Variants in AFG2A observed in about 807,000 individuals in gnomAD.
AFG2A encodes the protein ATPase family gene 2 protein homolog A.
At chr4:122,970,956 C>T in the AFG2A span, among the ~76,000 whole-genome samples, 1 of 152,126 alleles carries the variant, frequency 6.6e-6, no homozygotes, top group Non-Finnish European at 1.5e-5. Flanking sequence ...GCCTCAGCCT[C>T]CCAAGTAGCT....
the AFG2A span, among the ~76,000 whole-genome samples, chr4:123,217,293 T>G: frequency 1.3e-5 from 2 of 152,168 alleles, no homozygotes; most frequent in East Asian, 3.9e-4. Context: ...AGCAACTTCC[T>G]TAGCAGAAGC....
chr4:123,256,348 T>C, the AFG2A span, among the ~76,000 whole-genome samples: 1 of 152,202 alleles, frequency 6.6e-6, no homozygotes, highest in Non-Finnish European at 1.5e-5. Flanking sequence ...GCACTTTACG[T>C]GGCTTCTATT....
chr4:123,107,878 A>G, the AFG2A span, among the ~76,000 whole-genome samples: 3 of 152,204 alleles, frequency 2.0e-5, no homozygotes, highest in Admixed American at 1.3e-4. Context: ...CTTGGCCACA[A>G]CTTTGCTCTG....
At chr4:123,318,944 CCAG>C in the AFG2A span, 2 of 152,112 alleles carry the variant, frequency 1.3e-5, no homozygotes, top group African/African-American at 2.4e-5. Flanking sequence ...TGCCTTTGAT[CCAG>C]ATTCTTTCGG....
chr4:123,165,074 T>TAA, the AFG2A span, among the ~76,000 whole-genome samples: 1 of 149,298 alleles, frequency 6.7e-6, no homozygotes, highest in African/African-American at 2.4e-5. Context: ...GAGTGAACTG[T>TAA]AAAAAAAAAA....
chr4:123,246,220 A>G, the AFG2A span, among the ~76,000 whole-genome samples: 2 of 152,204 alleles, frequency 1.3e-5, no homozygotes, highest in African/African-American at 4.8e-5. Context: ...GTCTAATAAT[A>G]AGTTGAAAAC....
the AFG2A span, among the ~76,000 whole-genome samples, chr4:123,171,070 G>A: frequency 3.9e-5 from 6 of 152,162 alleles, no homozygotes; most frequent in Non-Finnish European, 8.8e-5. Flanking sequence ...AACCACACTG[G>A]CAGGTGTGCC....
chr4:122,925,732 T>C, the AFG2A span, among the ~76,000 whole-genome samples: 6,780 of 152,308 alleles, frequency 0.045, 297 homozygotes, highest in South Asian at 0.15. Flanking sequence ...CATTTTTTCA[T>C]TGTATTAATC....
the AFG2A span, among the ~76,000 whole-genome samples, chr4:123,059,427 G>A: frequency 2.0e-5 from 3 of 151,060 alleles, no homozygotes; most frequent in Non-Finnish European, 4.4e-5. Context: ...TCTTGAGATA[G>A]TTTACTGAGA....
At chr4:123,056,216 G>A in the AFG2A span, among the ~76,000 whole-genome samples, 7 of 152,176 alleles carry the variant, frequency 4.6e-5, no homozygotes, top group Non-Finnish European at 7.4e-5. Context: ...ATGTAGAATG[G>A]CTTTAACTTT....
At chr4:123,094,176 G>C in the AFG2A span, among the ~76,000 whole-genome samples, 1 of 152,204 alleles carries the variant, frequency 6.6e-6, no homozygotes, top group South Asian at 2.1e-4. Context: ...TTCTTTTTAA[G>C]TTCTTAGTAA....
chr4:123,062,623 T>C, the AFG2A span, among the ~76,000 whole-genome samples: 14 of 152,194 alleles, frequency 9.2e-5, no homozygotes, highest in Admixed American at 3.9e-4. Flanking sequence ...ATATTACCTA[T>C]ACCAGGTAGC....
the AFG2A span, among the ~76,000 whole-genome samples, chr4:123,091,464 T>A: frequency 6.6e-6 from 1 of 152,224 alleles, no homozygotes; most frequent in African/African-American, 2.4e-5. Flanking sequence ...TGAAATTCTT[T>A]GTTTCATCTA....
At chr4:123,203,177 A>AT in the AFG2A span, among the ~76,000 whole-genome samples, 81,493 of 150,566 alleles carry the variant, frequency 0.54, 25,193 homozygotes, top group Non-Finnish European at 0.68. Flanking sequence ...TTTAGAAGGA[A>AT]TCTTGCTCTT....
chr4:123,217,647 A>T, the AFG2A span, among the ~76,000 whole-genome samples: 9 of 152,154 alleles, frequency 5.9e-5, no homozygotes, highest in Non-Finnish European at 1.3e-4. Context: ...TTCCACCCAT[A>T]CCAGATCCTT....
At chr4:123,263,458 C>G in the AFG2A span, among the ~76,000 whole-genome samples, 1 of 151,942 alleles carries the variant, frequency 6.6e-6, no homozygotes, top group Non-Finnish European at 1.5e-5. Flanking sequence ...GTTATTGTCA[C>G]TAAATAAACA....
the AFG2A span, among the ~76,000 whole-genome samples, chr4:123,004,841 T>C: frequency 3.3e-5 from 5 of 152,326 alleles, no homozygotes; most frequent in East Asian, 7.7e-4. Context: ...ATCATCTGGG[T>C]CTGGAATTTT....
the AFG2A span, among the ~76,000 whole-genome samples, chr4:122,930,625 A>G: frequency 6.6e-6 from 1 of 152,232 alleles, no homozygotes; most frequent in Non-Finnish European, 1.5e-5. Context: ...ATACACACAC[A>G]CACAGTTACC....
chr4:122,958,204 G>T, the AFG2A span, among the ~76,000 whole-genome samples: 5 of 152,292 alleles, frequency 3.3e-5, no homozygotes, highest in East Asian at 1.9e-4. Context: ...GGACAGTGAG[G>T]CTGCTTTAAA....
Sources: gnomAD v4.1 joint callset for allele counts (sites outside exome capture counted in the v4.1 genomes callset) on GRCh38, gnomAD v4.1.1 for gene constraint, MANE v1.5 for transcripts, NCBI Gene and HGNC (gene_info 2026-07-23, HGNC 2026-07-21) for gene names.